Variants in OTUD7A observed in about 807,000 individuals in gnomAD.
OTUD7A encodes the protein OTU deubiquitinase 7A.
In OTUD7A, 12 loss-of-function variants were observed where a neutral mutation model predicts 65.7. The observed-to-expected ratio is 0.18, with a 90% confidence interval of 0.12 to 0.30. The LOEUF (loss-of-function observed/expected upper bound fraction) is 0.30, where lower values mean the gene tolerates loss of function less well. OTUD7A is among the 10% of genes least tolerant of loss of function. OTUD7A has a pLI of 1.00. For synonymous variants in OTUD7A, 641 were observed against 586.3 expected, an observed-to-expected ratio of 1.09 and a Z score of -1.35; for missense variants, 1,148 against 1,304.8, an observed-to-expected ratio of 0.88 and a Z score of 1.85.
chr15:31,621,226 A>G (rs1362750075), intron 3 of OTUD7A, among the ~76,000 whole-genome samples: 3 of 152,104 alleles, frequency 2.0e-5, no homozygotes, highest in Non-Finnish European at 4.4e-5. Context: ...CGTGGTGCTG[A>G]GAAGAATGTA....
At chr15:31,842,924 C>T (rs926885312) in intron 1 of OTUD7A, among the ~76,000 whole-genome samples, 3 of 152,136 alleles carry the variant, frequency 2.0e-5, no homozygotes, top group Non-Finnish European at 2.9e-5. Context: ...TTAATGCTCT[C>T]GGTTCCAGGA....
chr15:31,527,052 C>T, intron 7 of OTUD7A, 129 bp downstream of exon 7: 4 of 1,368,274 alleles, frequency 2.9e-6, no homozygotes, highest in Non-Finnish European at 4.0e-6. Context: ...TTTCCTGATC[C>T]CAGGGGCTGT....
intron 1 of OTUD7A, among the ~76,000 whole-genome samples, chr15:31,863,661 C>T (rs1897804763): frequency 6.6e-6 from 1 of 152,214 alleles, no homozygotes; most frequent in African/African-American, 2.4e-5. Flanking sequence ...GGGCCCAGTC[C>T]ATGAAACCAC....
At chr15:31,608,955 G>A (rs985322232) in intron 3 of OTUD7A, among the ~76,000 whole-genome samples, 4 of 152,186 alleles carry the variant, frequency 2.6e-5, no homozygotes, top group African/African-American at 9.7e-5. Context: ...GAAATCCTCT[G>A]CCCCCAAACA....
chr15:31,846,429 T>C (rs567198808), intron 1 of OTUD7A, among the ~76,000 whole-genome samples: 1 of 152,214 alleles, frequency 6.6e-6, no homozygotes, highest in East Asian at 1.9e-4. Context: ...ATTGCAGATA[T>C]CAGAGTAAAA....
At chr15:31,750,403 C>CAAAA (rs3080850) in intron 1 of OTUD7A, among the ~76,000 whole-genome samples, 28,022 of 87,802 alleles carry the variant, frequency 0.32, 6,192 homozygotes, top group East Asian at 0.42. Flanking sequence ...GAATCTGACT[C>CAAAA]AAAAAAAAAA....
intron 1 of OTUD7A, among the ~76,000 whole-genome samples, chr15:31,689,834 C>A (rs576693735): frequency 3.3e-5 from 5 of 152,206 alleles, no homozygotes; most frequent in East Asian, 1.9e-4. Context: ...TGCTTCTCAG[C>A]GGGGCTCAAA....
At chr15:31,626,885 T>C (rs1438055283) in intron 3 of OTUD7A, among the ~76,000 whole-genome samples, 1 of 84,490 alleles carries the variant, frequency 1.2e-5, no homozygotes, top group African/African-American at 6.0e-5. Flanking sequence ...CTATATTTGT[T>C]TTTTTTTTGT....
At chr15:31,532,989 G>A (rs148760385) in intron 5 of OTUD7A, among the ~76,000 whole-genome samples, 20 of 148,022 alleles carry the variant, frequency 1.4e-4, no homozygotes, top group African/African-American at 4.7e-4. Flanking sequence ...TCACTAAAAG[G>A]TTCCCAATTT....
chr15:31,816,677 G>C (rs865957472), intron 1 of OTUD7A, among the ~76,000 whole-genome samples: 1 of 150,818 alleles, frequency 6.6e-6, no homozygotes, highest in African/African-American at 2.4e-5. Flanking sequence ...GACAGAGCGA[G>C]ACTCCGTCTC....
In OTUD7A at chr15:31,487,824, C is replaced by T. The variant is rs527939514; in HGVS notation, c.1172-258G>A. 2.2e-4 allele frequency among the ~76,000 whole-genome samples: 34 copies of T among 152,334 alleles called. No homozygotes were observed. Among genetic ancestry groups the T allele is most frequent in the African/African-American group, 7.5e-4 (31 of 41,566 alleles). On this transcript the variant is annotated intron_variant, in intron 10 of 12. Coordinates refer to ENST00000307050, the MANE Select transcript of OTUD7A (RefSeq NM_001382637.1). The surrounding 1 kb of genome is among the most constrained non-coding windows in gnomAD (Gnocchi z 6.0). ...TGGGTCTGTCCAATGGCAGATACTC[C>T]ATTGGGCAGCAGAATGGGAAAAAAG...
intron 1 of OTUD7A, among the ~76,000 whole-genome samples, chr15:31,791,345 G>A (rs1285697819): frequency 6.6e-6 from 1 of 152,110 alleles, no homozygotes; most frequent in Non-Finnish European, 1.5e-5. Context: ...TCATCTTAAG[G>A]GAGTTGCTTG....
chr15:31,850,132 T>C (rs1463348094), intron 1 of OTUD7A, among the ~76,000 whole-genome samples: 3 of 152,100 alleles, frequency 2.0e-5, no homozygotes, highest in Non-Finnish European at 4.4e-5. Flanking sequence ...GCAGCACTAA[T>C]CACAATAGCG....
intron 1 of OTUD7A, chr15:31,767,110 T>A: frequency 6.4e-7 from 1 of 1,551,086 alleles, no homozygotes; most frequent in Admixed American, 1.9e-5. Context: ...AGAATCTGAT[T>A]CTTCTTTATT....
At chr15:31,713,124 T>C (rs1008888146) in intron 1 of OTUD7A, among the ~76,000 whole-genome samples, 9 of 152,200 alleles carry the variant, frequency 5.9e-5, no homozygotes, top group African/African-American at 1.4e-4. Context: ...CCACAGTAAA[T>C]GTGCTGAGTC....
chr15:31,584,511 C>T (rs1306383013), intron 3 of OTUD7A, among the ~76,000 whole-genome samples: 3 of 152,212 alleles, frequency 2.0e-5, no homozygotes, highest in Admixed American at 2.0e-4. Flanking sequence ...CTGCTAATGA[C>T]CTTGCCTGAG....
chr15:31,606,555 C>T (rs897277823), intron 3 of OTUD7A, among the ~76,000 whole-genome samples: 17 of 152,136 alleles, frequency 1.1e-4, no homozygotes, highest in African/African-American at 3.9e-4. Context: ...AAAAAAATCC[C>T]TATACTGCAA....
chr15:31,839,635 C>G (rs962110697), intron 1 of OTUD7A, among the ~76,000 whole-genome samples: 1 of 152,154 alleles, frequency 6.6e-6, no homozygotes, highest in Non-Finnish European at 1.5e-5. Context: ...ACTTCTATGG[C>G]TCCATATTCC....
At chr15:31,822,069 C>T (rs921293214) in intron 1 of OTUD7A, among the ~76,000 whole-genome samples, 1 of 152,122 alleles carries the variant, frequency 6.6e-6, no homozygotes, top group Admixed American at 6.5e-5. Flanking sequence ...CTTTTTGCTT[C>T]CTTAAAGGTA....
Sources: allele counts gnomAD v4.1 joint callset (sites outside exome capture counted in the v4.1 genomes callset), GRCh38; gene constraint gnomAD v4.1.1; non-coding constraint Gnocchi (gnomAD v3.1); transcripts MANE v1.5; gene names NCBI Gene and HGNC (gene_info 2026-07-23, HGNC 2026-07-21).